Variants in NEDD4L observed in about 807,000 individuals in gnomAD.
The protein encoded by NEDD4L is E3 ubiquitin-protein ligase NEDD4-like.
Under a neutral mutation model 148.9 loss-of-function variants are expected in NEDD4L, and 54 were observed. The observed-to-expected ratio is 0.36, with a 90% CI of 0.29 to 0.45. The LOEUF (loss-of-function observed/expected upper bound fraction) is 0.45, where lower values mean the gene tolerates loss of function less well. Among genes scored for constraint, NEDD4L ranks in the 20% least tolerant of loss-of-function variants. The probability of loss-of-function intolerance (pLI) is 1.00; values close to 1 mark genes in which losing one functional copy is unlikely to be tolerated. For synonymous variants in NEDD4L, 433 were observed against 440.7 expected, an observed-to-expected ratio of 0.98 and a Z score of 0.22; for missense variants, 856 against 1,233.8, an observed-to-expected ratio of 0.69 and a Z score of 4.59.
At chr18:58,358,935 A>G (rs542865452) in intron 19 of NEDD4L, among the ~76,000 whole-genome samples, 1 of 152,168 alleles carries the variant, frequency 6.6e-6, no homozygotes, top group Admixed American at 6.5e-5. Context: ...TCTAGAGAAT[A>G]TTTATTATTG....
In NEDD4L at chr18:58,071,978, G is replaced by A. The variant is rs2082893746; in HGVS notation, c.48+27270G>A. 3.3e-5 allele frequency among the ~76,000 whole-genome samples: 5 copies of A among 152,172 alleles called. No homozygotes were observed. The South Asian group carries it at 8.3e-4, about 25-fold the overall frequency. On this transcript the variant is annotated intron_variant, in intron 1 of 30. Transcript: ENST00000400345. ...CAATTCAAGGTGAGATTTGGGTGGG[G>A]ACACAGAGCCAAACCATATCAAGTT...
chr18:58,087,499 C>T (rs1233012898), intron 1 of NEDD4L, among the ~76,000 whole-genome samples: 3 of 152,120 alleles, frequency 2.0e-5, no homozygotes, highest in East Asian at 1.9e-4. Context: ...GCAAGCATAC[C>T]AATTCCAGTT....
chr18:58,378,510 C>G (rs1301864316), intron 24 of NEDD4L, among the ~76,000 whole-genome samples: 1 of 152,146 alleles, frequency 6.6e-6, no homozygotes, highest in Non-Finnish European at 1.5e-5. Flanking sequence ...CCCCTTCAGG[C>G]CAGTCAGGGA....
chr18:58,166,576 C>G (rs543538297), intron 2 of NEDD4L, among the ~76,000 whole-genome samples: 2 of 152,320 alleles, frequency 1.3e-5, no homozygotes, highest in East Asian at 3.9e-4. Flanking sequence ...GAGTGATGTT[C>G]TAGTCCAACT....
chr18:58,245,674 C>CTTTTTTTTTTTTT (rs57282316), intron 3 of NEDD4L, among the ~76,000 whole-genome samples, 166 bp downstream of exon 3: 2 of 89,268 alleles, frequency 2.2e-5, no homozygotes, highest in Non-Finnish European at 4.3e-5. Context: ...CACTTTTTCT[C>CTTTTTTTTTTTTT]TTTTTTTTTT....
intron 1 of NEDD4L, among the ~76,000 whole-genome samples, chr18:58,061,539 G>C (rs2082335221): frequency 6.6e-6 from 1 of 151,926 alleles, no homozygotes; most frequent in Non-Finnish European, 1.5e-5. Context: ...AGGAAGGAAG[G>C]TGGTTATTTA....
chr18:58,239,787 A>G (rs928011011), intron 2 of NEDD4L, among the ~76,000 whole-genome samples: 6 of 152,186 alleles, frequency 3.9e-5, no homozygotes, highest in Non-Finnish European at 5.9e-5. Context: ...TGAAGGTGGA[A>G]CAAGACCCTT....
intron 2 of NEDD4L, among the ~76,000 whole-genome samples, chr18:58,238,177 G>T (rs2046242942): frequency 6.6e-6 from 1 of 152,176 alleles, no homozygotes; most frequent in Non-Finnish European, 1.5e-5. Flanking sequence ...TATTGGTGAT[G>T]AGTGATATAT....
At chr18:58,248,486 C>T (rs1210386866) in intron 3 of NEDD4L, among the ~76,000 whole-genome samples, 1 of 152,056 alleles carries the variant, frequency 6.6e-6, no homozygotes, top group Non-Finnish European at 1.5e-5. Flanking sequence ...TTTATATAAA[C>T]AATGAACACA....
chr18:58,190,463 T>C lies in NEDD4L; in HGVS notation c.122+24602T>C, dbSNP rs556857872. Among the ~76,000 whole-genome samples, 5 of 152,298 alleles carry C rather than the reference T, an allele frequency of 3.3e-5. No homozygotes were observed. In the South Asian group the frequency reaches 1.0e-3, roughly 32 times the overall value. On this transcript the variant is annotated intron_variant, in intron 2 of 30. Coordinates refer to ENST00000400345, the MANE Select transcript of NEDD4L (RefSeq NM_001144967.3). ...TTTATAACATAGAATGAAAAGTAAA[T>C]TGTAGATTGGTTTGTATAATTTGAT... is the stretch of plus-strand genomic sequence containing the variant.
chr18:58,328,187 G>T (rs999569876), intron 9 of NEDD4L, among the ~76,000 whole-genome samples: 6 of 152,020 alleles, frequency 3.9e-5, no homozygotes, highest in Non-Finnish European at 8.8e-5. Context: ...TACGTCTTGA[G>T]CTCCTGACCT....
At chr18:58,180,523 C>T (rs576803058) in intron 2 of NEDD4L, among the ~76,000 whole-genome samples, 17 of 152,180 alleles carry the variant, frequency 1.1e-4, no homozygotes, top group Admixed American at 4.6e-4. Flanking sequence ...CCGACTCCAG[C>T]GCCCGTTCTT....
chr18:58,255,471 C>T (rs1311277643), intron 5 of NEDD4L: 14 of 1,225,286 alleles, frequency 1.1e-5, no homozygotes, highest in Non-Finnish European at 1.3e-5. Context: ...CCTGGAATGC[C>T]GCTTGCCACT....
intron 1 of NEDD4L, among the ~76,000 whole-genome samples, chr18:58,105,669 G>T (rs181010332): frequency 1.2e-3 from 181 of 152,258 alleles, no homozygotes; most frequent in Non-Finnish European, 2.0e-3. Context: ...AGAAAAATAG[G>T]TGGTATGGCT....
intron 10 of NEDD4L, among the ~76,000 whole-genome samples, chr18:58,329,651 A>G (rs1278635630): frequency 6.7e-6 from 1 of 150,232 alleles, no homozygotes; most frequent in Admixed American, 6.6e-5. Context: ...TGCCATCACA[A>G]TGGCTAATTT....
intron 2 of NEDD4L, among the ~76,000 whole-genome samples, chr18:58,168,476 C>G (rs1300876068): frequency 6.6e-6 from 1 of 152,236 alleles, no homozygotes; most frequent in East Asian, 1.9e-4. Context: ...TTCTTTGTAA[C>G]TGGCATGTGG....
intron 5 of NEDD4L, among the ~76,000 whole-genome samples, chr18:58,294,596 C>T (rs2055270671): frequency 7.0e-6 from 1 of 142,336 alleles, no homozygotes; most frequent in Admixed American, 7.1e-5. Flanking sequence ...AGTTAAACTC[C>T]CAGACCATGT....
chr18:58,396,544 C>A lies in NEDD4L; in HGVS notation c.*275C>A. On this transcript the variant is annotated 3_prime_UTR_variant, in exon 31 of 31. Transcript: ENST00000400345. ...GCTATTTATGTTGTGCCTCTGCAGG[C>A]AAAGCCCTTAATAAATATTTTACAT... The A allele has an allele frequency of 7.1e-6, 2 of 280,224 alleles. No individual in the cohort carries two copies. The highest frequency in any genetic ancestry group is 1.4e-5 in the Non-Finnish European group (2 of 146,728). The allele number at this position is 280,224 out of a possible 1,614,324, so 17.4% of individuals were successfully genotyped here.
intron 5 of NEDD4L, among the ~76,000 whole-genome samples, chr18:58,297,514 A>C (rs2055819658): frequency 6.6e-6 from 1 of 152,130 alleles, no homozygotes; most frequent in African/African-American, 2.4e-5. Context: ...CATAAGAAAA[A>C]GGTCGTGTTT....
Sources: allele counts gnomAD v4.1 joint callset (sites outside exome capture counted in the v4.1 genomes callset), GRCh38; gene constraint gnomAD v4.1.1; transcripts MANE v1.5; gene names NCBI Gene and HGNC (gene_info 2026-07-23, HGNC 2026-07-21).